Variants in HERC3 observed in about 807,000 individuals in gnomAD.
HERC3 encodes probable E3 ubiquitin-protein ligase HERC3.
Under a neutral mutation model 129.9 loss-of-function variants are expected in HERC3, and 58 were observed. That is an observed-to-expected ratio of 0.45 (90% CI 0.36 to 0.56). The LOEUF is 0.56. HERC3 is among the 20% of genes least tolerant of loss of function. HERC3 has a pLI of 0.00. For synonymous variants in HERC3, 430 were observed against 451.0 expected, an observed-to-expected ratio of 0.95 and a Z score of 0.59; for missense variants, 835 against 1,244.2, an observed-to-expected ratio of 0.67 and a Z score of 4.95.
intron 18 of HERC3, among the ~76,000 whole-genome samples, chr4:88,677,289 A>G (rs1732271638): frequency 6.6e-6 from 1 of 152,206 alleles, no homozygotes; most frequent in South Asian, 2.1e-4. Flanking sequence ...AAAACTTGTT[A>G]TAGAGATTTA....
chr4:88,540,017 C>T, the HERC3 span, among the ~76,000 whole-genome samples: 4 of 152,086 alleles, frequency 2.6e-5, no homozygotes, highest in Non-Finnish European at 5.9e-5. Flanking sequence ...TTCTAAAAAC[C>T]AGAGCACCTC....
rs190057825 is a variant in HERC3, at chr4:88,658,845, T to C, written c.1146+354T>C. Among the ~76,000 whole-genome samples the C allele has an allele frequency of 1.8e-3, 267 of 152,340 alleles. 1 individual carries two copies. The highest frequency in any genetic ancestry group is 6.1e-3 in the African/African-American group (255 of 41,578). On this transcript the variant is annotated intron_variant, in intron 10 of 25. Transcript: ENST00000402738. ...CTGTTAAGTGGCAACAAATGCTAGG[T>C]GTTTGAGAACTTGGTGGGTTTCTTT...
the HERC3 span, among the ~76,000 whole-genome samples, chr4:88,556,106 A>T: frequency 6.6e-6 from 1 of 152,134 alleles, no homozygotes; most frequent in Non-Finnish European, 1.5e-5. Flanking sequence ...CCAGACTATA[A>T]CTCTTTGACA....
At position 88,611,775 on chromosome 4, in the gene HERC3, T is replaced by C. The variant is rs376963193; in HGVS notation, c.226+5726T>C. Reference sequence around the variant, plus strand: ...GCCTGACCATCAACACTTACTTTGCTGATTGGACTTGTTAATATTTCTAGT... The same window carrying C: ...GCCTGACCATCAACACTTACTTTGCCGATTGGACTTGTTAATATTTCTAGT... On this transcript the variant is annotated intron_variant, in intron 3 of 25. Transcript: ENST00000402738. Among the ~76,000 whole-genome samples the C allele has an allele frequency of 1.5e-3, 225 of 152,366 alleles. 5 individuals carry two copies. The South Asian group carries it at 0.045, about 30-fold the overall frequency.
the HERC3 span, among the ~76,000 whole-genome samples, chr4:88,540,449 A>G: frequency 6.6e-6 from 1 of 152,252 alleles, no homozygotes; most frequent in South Asian, 2.1e-4. Context: ...GACTATGTGA[A>G]AAGACCAAAT....
At chr4:88,611,738 GA>G (rs1447169865) in intron 3 of HERC3, among the ~76,000 whole-genome samples, 2 of 152,204 alleles carry the variant, frequency 1.3e-5, no homozygotes, top group African/African-American at 4.8e-5. Context: ...TACTGGCTGT[GA>G]ATGGAGTAAT....
the HERC3 span, among the ~76,000 whole-genome samples, chr4:88,569,277 C>T: frequency 1.3e-5 from 2 of 152,270 alleles, no homozygotes; most frequent in South Asian, 2.1e-4. Flanking sequence ...CCCACAATCC[C>T]GGCACTCTCC....
the HERC3 span, among the ~76,000 whole-genome samples, chr4:88,544,040 C>T: frequency 6.6e-6 from 1 of 152,192 alleles, no homozygotes; most frequent in Non-Finnish European, 1.5e-5. Context: ...ACACCAAAAG[C>T]AATGGCAACA....
At position 88,708,007 on chromosome 4, in the gene HERC3, G is replaced by A. The variant is rs1379985788; in HGVS notation, c.*1047G>A. The A allele has an allele frequency of 1.3e-5, 2 of 152,058 alleles. No individual in the cohort carries two copies. Among genetic ancestry groups the A allele is most frequent in the Non-Finnish European group, 2.9e-5 (2 of 67,964 alleles). 9.4% of individuals were successfully genotyped at this position (152,058 alleles called of 1,614,324 possible). ...TCCCTTCCTCTCCTCTCCTTCTAGT[G>A]GATGCATGCAGCCTTTTTTTCAATT... is the stretch of plus-strand genomic sequence containing the variant. On this transcript the variant is annotated 3_prime_UTR_variant, in exon 26 of 26. Coordinates refer to ENST00000402738, the MANE Select transcript of HERC3 (RefSeq NM_014606.3).
Position 88,654,148 on chromosome 4 carries a change from G to T in HERC3, c.777+15G>T. 6.3e-7 allele frequency: 1 copy of T among 1,578,612 alleles called. No individual in the cohort carries two copies. Among genetic ancestry groups the T allele is most frequent in the Non-Finnish European group, 8.7e-7 (1 of 1,148,458 alleles). ...TTCTCACAAAGGTAAGGAGCTCAGA[G>T]TATTTTACTTTGGTGCTGGGGATAT... On this transcript the variant is annotated intron_variant, in intron 7 of 25. Coordinates refer to ENST00000402738, the MANE Select transcript of HERC3 (RefSeq NM_014606.3).
chr4:88,637,770 A>G (rs1727593402), intron 3 of HERC3, among the ~76,000 whole-genome samples: 1 of 152,342 alleles, frequency 6.6e-6, no homozygotes, highest in East Asian at 1.9e-4. Context: ...AAGGAGATAG[A>G]GACATGAAAA....
At chr4:88,575,379 C>T in the HERC3 span, among the ~76,000 whole-genome samples, 1 of 152,168 alleles carries the variant, frequency 6.6e-6, no homozygotes, top group South Asian at 2.1e-4. Flanking sequence ...CATTCTAGAG[C>T]TCCTCCTCAG....
Position 88,704,189 on chromosome 4 carries a change from T to G in HERC3, c.2749T>G (p.Cys917Gly). The G allele has an allele frequency of 6.2e-7, 1 of 1,614,146 alleles. No homozygotes were observed. Among genetic ancestry groups the G allele is most frequent in the Non-Finnish European group, 8.5e-7 (1 of 1,180,002 alleles). Residue 917 changes from cysteine to glycine, a missense_variant, in exon 24 of 26, where the codon TGT becomes GGT. By Grantham distance (159) the Cys-to-Gly change is radical. Coordinates refer to ENST00000402738, the MANE Select transcript of HERC3 (RefSeq NM_014606.3). ...CTTCTCTAGTGGCTTCCTAAAGGTG[T>G]GTGGTGGCAAAGTACTTGAGCTCTT... ...TAFSSGFLKVCGGKVLELFQP... is the reference protein window; with the variant it reads ...TAFSSGFLKVGGGKVLELFQP...
chr4:88,576,727 TA>T, the HERC3 span, among the ~76,000 whole-genome samples: 2 of 152,204 alleles, frequency 1.3e-5, no homozygotes, highest in East Asian at 1.9e-4. Context: ...AAATTTATTT[TA>T]AAATGCTCTT....
the HERC3 span, among the ~76,000 whole-genome samples, chr4:88,563,479 G>A: frequency 2.0e-5 from 3 of 151,890 alleles, no homozygotes; most frequent in African/African-American, 4.8e-5. Context: ...TTTCCAATTT[G>A]GATGCCCTTT....
intron 2 of HERC3, among the ~76,000 whole-genome samples, chr4:88,603,364 C>T (rs1281157171): frequency 2.0e-5 from 3 of 152,108 alleles, no homozygotes; most frequent in South Asian, 2.1e-4. Context: ...CCCGCCACCA[C>T]GCCCCACTAA....
chr4:88,625,233 G>A (rs1405591063), intron 3 of HERC3, among the ~76,000 whole-genome samples: 1 of 152,136 alleles, frequency 6.6e-6, no homozygotes, highest in Non-Finnish European at 1.5e-5. Flanking sequence ...TGGAAGAAAA[G>A]CTACTGGGAT....
intron 3 of HERC3, among the ~76,000 whole-genome samples, chr4:88,630,387 A>G (rs1434986906): frequency 1.3e-5 from 2 of 152,112 alleles, no homozygotes; most frequent in Non-Finnish European, 2.9e-5. Context: ...GCCTGACTTT[A>G]TTGATTTTGA....
intron 3 of HERC3, among the ~76,000 whole-genome samples, chr4:88,648,705 C>T (rs1728951317): frequency 6.6e-6 from 1 of 152,102 alleles, no homozygotes; most frequent in Non-Finnish European, 1.5e-5. Flanking sequence ...TAGATCCTTT[C>T]AGTGTGAAAT....
Sources: gnomAD v4.1 joint callset for allele counts (sites outside exome capture counted in the v4.1 genomes callset) on GRCh38, gnomAD v4.1.1 for gene constraint, MANE v1.5 for transcripts, NCBI Gene and HGNC (gene_info 2026-07-23, HGNC 2026-07-21) for gene names.